MCC: variants seen among roughly 807,000 people sequenced by gnomAD.
The protein encoded by MCC is MCC regulator of Wnt signaling pathway.
A neutral mutation model predicts 116.2 loss-of-function variants in MCC; 90 were observed. That is an observed-to-expected ratio of 0.77 (90% CI 0.65 to 0.92). The LOEUF (loss-of-function observed/expected upper bound fraction) is 0.92. Among genes scored for constraint, MCC ranks in the 40% least tolerant of loss-of-function variants. MCC has a pLI of 0.00. For synonymous variants in MCC, 578 were observed against 510.5 expected, an observed-to-expected ratio of 1.13 and a Z score of -1.78; for missense variants, 1,516 against 1,312.2, an observed-to-expected ratio of 1.16 and a Z score of -2.40.
chr5:113,329,529 C>G (rs1245690991), intron 3 of MCC, among the ~76,000 whole-genome samples: 3 of 151,768 alleles, frequency 2.0e-5, no homozygotes, highest in Non-Finnish European at 4.4e-5. Context: ...AATGAAAATG[C>G]TAATGTCTGC....
intron 1 of MCC, among the ~76,000 whole-genome samples, chr5:113,399,054 A>G (rs1404719260): frequency 1.3e-5 from 2 of 152,208 alleles, no homozygotes; most frequent in African/African-American, 4.8e-5. Flanking sequence ...GATGCTCAGG[A>G]GCCACACTGG....
At chr5:113,065,595 C>T (rs939145961) in intron 13 of MCC, among the ~76,000 whole-genome samples, 3 of 152,130 alleles carry the variant, frequency 2.0e-5, no homozygotes, top group Non-Finnish European at 4.4e-5. Context: ...ACCCCACTGC[C>T]GAGGCCCAGA....
chr5:113,361,281 C>A (rs1768541620), intron 2 of MCC, among the ~76,000 whole-genome samples: 1 of 149,002 alleles, frequency 6.7e-6, no homozygotes, highest in Admixed American at 6.6e-5. Flanking sequence ...CATCTTCAGT[C>A]TTTATTGTAC....
Position 113,046,858 on chromosome 5 carries a change from G to C in MCC, c.2655+2235C>G, listed in dbSNP as rs543003784. Reference sequence around the variant, plus strand: ...CCAGCCTTGGGCAGATGGCTTCATAGTGCACTTGGCATAGTGACTTCTCTA... The same window carrying C: ...CCAGCCTTGGGCAGATGGCTTCATACTGCACTTGGCATAGTGACTTCTCTA... On this transcript the variant is annotated intron_variant, in intron 16 of 18. Coordinates refer to ENST00000408903, the MANE Select transcript of MCC (RefSeq NM_001085377.2). 2.6e-4 allele frequency among the ~76,000 whole-genome samples: 39 copies of C among 152,156 alleles called. 1 individual carries two copies. In the Middle Eastern group the frequency reaches 0.014, roughly 53 times the overall value.
intron 3 of MCC, among the ~76,000 whole-genome samples, chr5:113,298,168 A>T (rs973888538): frequency 6.6e-6 from 1 of 152,246 alleles, no homozygotes; most frequent in Non-Finnish European, 1.5e-5. Context: ...TACTACCTTA[A>T]GGAAGGCTGT....
intron 3 of MCC, among the ~76,000 whole-genome samples, chr5:113,294,005 T>C (rs1452002260): frequency 1.3e-5 from 2 of 151,820 alleles, no homozygotes; most frequent in African/African-American, 4.8e-5. Flanking sequence ...AATAAAAGGG[T>C]GTATATAAAT....
chr5:113,481,550 A>G (rs1161825400), intron 1 of MCC, among the ~76,000 whole-genome samples: 1 of 152,104 alleles, frequency 6.6e-6, no homozygotes, highest in Non-Finnish European at 1.5e-5. Context: ...CAGCCTGGCC[A>G]ACATGGTGAA....
At chr5:113,052,028 G>A (rs1752519375) in intron 15 of MCC, among the ~76,000 whole-genome samples, 1 of 152,112 alleles carries the variant, frequency 6.6e-6, no homozygotes, top group South Asian at 2.1e-4. Flanking sequence ...CCTGGATCAT[G>A]ATATTATGGA....
chr5:113,479,063 A>G (rs373241168), intron 1 of MCC, among the ~76,000 whole-genome samples: 32 of 152,182 alleles, frequency 2.1e-4, no homozygotes, highest in African/African-American at 6.3e-4. Flanking sequence ...GCCTCAAACT[A>G]GATACAACCT....
chr5:113,254,626 G>A (rs1034119034), intron 3 of MCC, among the ~76,000 whole-genome samples: 19 of 152,164 alleles, frequency 1.2e-4, no homozygotes, highest in Non-Finnish European at 1.5e-5. Context: ...CAAATGTAAA[G>A]AGAATTTGAC....
intron 6 of MCC, among the ~76,000 whole-genome samples, chr5:113,120,216 C>A (rs1008391862): frequency 6.6e-6 from 1 of 152,114 alleles, no homozygotes; most frequent in African/African-American, 2.4e-5. Context: ...ATTTATGATG[C>A]CCTTATGAAC....
intron 2 of MCC, among the ~76,000 whole-genome samples, chr5:113,371,930 T>A (rs1337301007): frequency 6.6e-6 from 1 of 152,248 alleles, no homozygotes. Context: ...ACTGAGCCTT[T>A]ATCTCAGCCA....
intron 3 of MCC, among the ~76,000 whole-genome samples, chr5:113,177,060 G>T (rs1297962257): frequency 6.6e-6 from 1 of 152,046 alleles, no homozygotes; most frequent in Non-Finnish European, 1.5e-5. Flanking sequence ...TCGCCCTCAG[G>T]TAGGTCCAAA....
At chr5:113,342,529 A>G (rs1047035315) in intron 2 of MCC, among the ~76,000 whole-genome samples, 2 of 152,250 alleles carry the variant, frequency 1.3e-5, no homozygotes, top group Non-Finnish European at 2.9e-5. Flanking sequence ...TACAAATGGG[A>G]AAGTGCAATG....
chr5:113,215,068 C>A (rs1763260756), intron 3 of MCC, among the ~76,000 whole-genome samples: 3 of 152,172 alleles, frequency 2.0e-5, no homozygotes, highest in Non-Finnish European at 4.4e-5. Flanking sequence ...TCTCCCACCA[C>A]CCCCTTTACC....
chr5:113,259,717 C>T (rs577166389), intron 3 of MCC, among the ~76,000 whole-genome samples: 1 of 151,992 alleles, frequency 6.6e-6, no homozygotes, highest in Admixed American at 6.6e-5. Context: ...CCTAGTGTTC[C>T]ATTATTGGAA....
chr5:113,339,298 T>C (rs773233556), intron 3 of MCC, among the ~76,000 whole-genome samples: 1 of 151,890 alleles, frequency 6.6e-6, no homozygotes, highest in African/African-American at 2.4e-5. Flanking sequence ...ACCCCACAAA[T>C]AGTTTTTCCT....
intron 1 of MCC, among the ~76,000 whole-genome samples, chr5:113,409,314 C>T (rs530100636): frequency 6.6e-6 from 1 of 152,222 alleles, no homozygotes; most frequent in Admixed American, 6.5e-5. Context: ...TCATAAACAA[C>T]AAAAACGCAA....
At chr5:113,089,196 G>T (rs555359383) in intron 8 of MCC, among the ~76,000 whole-genome samples, 2 of 152,162 alleles carry the variant, frequency 1.3e-5, no homozygotes, top group African/African-American at 2.4e-5. Flanking sequence ...TCTGAAAGAG[G>T]GGTATCAACA....
Sources: allele counts gnomAD v4.1 joint callset (sites outside exome capture counted in the v4.1 genomes callset), GRCh38; gene constraint gnomAD v4.1.1; transcripts MANE v1.5; gene names NCBI Gene and HGNC (gene_info 2026-07-23, HGNC 2026-07-21).